Variants in TBXT observed in about 807,000 individuals in gnomAD.
The protein encoded by TBXT is T-box transcription factor T.
Under a neutral mutation model 41.1 loss-of-function variants are expected in TBXT, and 19 were observed. That is an observed-to-expected ratio of 0.46 (90% confidence interval 0.32 to 0.68). The LOEUF (loss-of-function observed/expected upper bound fraction) is 0.68, where lower values mean the gene tolerates loss of function less well. TBXT is among the 30% of genes least tolerant of loss of function. The pLI is 0.03. For missense variants in TBXT, 536 were observed against 582.0 expected (o/e 0.92, Z 0.81); for synonymous variants, 213 against 238.9 (o/e 0.89, Z 1.00).
chr6:166,166,307 G>C (rs143234649), intron 2 of TBXT, among the ~76,000 whole-genome samples: 136 of 152,296 alleles, frequency 8.9e-4, no homozygotes, highest in African/African-American at 3.2e-3. Context: ...CATCAAGGCT[G>C]ATATCTTTTC....
chr6:166,167,931 C>A, upstream of TBXT: 1 of 401,780 alleles, frequency 2.5e-6, no homozygotes, highest in East Asian at 5.3e-5. Context: ...GGGCCGCGCA[C>A]GCTTTGAAGT....
intron 7 of TBXT, among the ~76,000 whole-genome samples, chr6:166,160,570 C>T (rs1465342443): frequency 2.0e-5 from 3 of 152,108 alleles, no homozygotes; most frequent in Non-Finnish European, 4.4e-5. Flanking sequence ...TGGTTTCATT[C>T]AGGGATGGGA....
chr6:166,159,637 A>G (rs1238662798), intron 7 of TBXT, among the ~76,000 whole-genome samples: 49 of 152,372 alleles, frequency 3.2e-4, no homozygotes, highest in Non-Finnish European at 1.5e-5. Context: ...AGTGGATAGC[A>G]TTCAATTATG....
intron 7 of TBXT, among the ~76,000 whole-genome samples, chr6:166,160,634 G>A (rs951322426): frequency 3.3e-5 from 5 of 152,220 alleles, no homozygotes; most frequent in South Asian, 2.1e-4. Flanking sequence ...TCCTTCCAGC[G>A]AACAGACTGC....
chr6:166,158,228 C>A lies in TBXT; in HGVS notation c.*87G>T, dbSNP rs963096673. On this transcript the variant is annotated 3_prime_UTR_variant, in exon 8 of 8. Coordinates refer to ENST00000366876, the MANE Select transcript of TBXT (RefSeq NM_001366285.2). The stretch of plus-strand genomic sequence containing the variant: ...CATTTCCTTCTTAACCTGAGACTGC[C>A]ACTGGGTACCTAGTAGGTCAATCCA... 17 of 1,602,148 alleles carry A rather than the reference C, an allele frequency of 1.1e-5. No homozygotes were observed. The highest frequency in any genetic ancestry group is 1.4e-5 in the Non-Finnish European group (16 of 1,170,038).
Position 166,167,559 on chromosome 6 carries a change from CT to C in TBXT, c.32del (p.Lys11ArgfsTer11). MSSPGTESAGKSLQYRVDHLL... is the reference protein window; with the variant it reads MSSPGTESAGXSLQYRVDHLL... The stretch of plus-strand genomic sequence containing the variant: ...GGTGGTCCACTCGGTACTGCAGGCT[CT>C]TTCCCGCGCTCTCGGTGCCAGGGGA... On this transcript the variant is annotated frameshift_variant, in exon 1 of 8. Coordinates refer to ENST00000366876, the MANE Select transcript of TBXT (RefSeq NM_001366285.2). LOFTEE classifies it high-confidence loss of function. 6.3e-7 allele frequency: 1 copy of C among 1,581,768 alleles called. No homozygotes were observed. The highest frequency in any genetic ancestry group is 2.3e-5 in the East Asian group (1 of 43,192).
rs370877435 is a variant in TBXT at position 166,164,677 on chromosome 6, GA to G, written c.669-12del. 0.049 allele frequency: 59,141 copies of G among 1,217,828 alleles called. 1,083 individuals are homozygous for G. Among genetic ancestry groups the G allele is most frequent in the African/African-American group, 0.097 (6,211 of 64,322 alleles). The allele number at this position is 1,217,828 out of a possible 1,614,324, so 75.4% of individuals were successfully genotyped here. On this transcript the variant is annotated splice_polypyrimidine_tract_variant and intron_variant, in intron 4 of 7. Coordinates refer to ENST00000366876, the MANE Select transcript of TBXT (RefSeq NM_001366285.2). ...TCTTTGTGATCACTTCTATCAAAATGAAAAAAAAAAAGTATATCGAATTTTC... is the reference window on the plus strand; with the variant it reads ...TCTTTGTGATCACTTCTATCAAAATGAAAAAAAAAAGTATATCGAATTTTC...
chr6:166,166,758 C>T lies in TBXT; in HGVS notation c.305G>A (p.Trp102Ter). 1 of 1,613,804 alleles carries T rather than the reference C, an allele frequency of 6.2e-7. No homozygotes were observed. The highest frequency in any genetic ancestry group is 2.2e-5 in the East Asian group (1 of 44,886). Residue 102 changes from tryptophan to a stop codon, truncating the protein, a stop_gained, in exon 2 of 8, where the codon TGG becomes TAG. Transcript: ENST00000366876. LOFTEE classifies it high-confidence loss of function. ...CACCCATTCCCCGTTCACGTACTTCCAGCGGTGGTTGTCCGCCGCCACGAA... is the reference window on the plus strand; with the variant it reads ...CACCCATTCCCCGTTCACGTACTTCTAGCGGTGGTTGTCCGCCGCCACGAA... ...LDFVAADNHR[W>*]KYVNGEWVPG...
At chr6:166,165,661 A>C in intron 3 of TBXT, 45 bp downstream of exon 3, 1 of 1,612,658 alleles carries the variant, frequency 6.2e-7, no homozygotes, top group Non-Finnish European at 8.5e-7. Context: ...GCAGCACACC[A>C]CACCGCAGCA....
At chr6:166,165,517 T>G (rs1025397441) in intron 3 of TBXT, among the ~76,000 whole-genome samples, 189 bp downstream of exon 3, 8 of 152,364 alleles carry the variant, frequency 5.3e-5, no homozygotes, top group Admixed American at 3.9e-4. Flanking sequence ...GGAAAATGTT[T>G]GAATGGGGAC....
intron 5 of TBXT, 136 bp downstream of exon 5, chr6:166,164,469 T>A: frequency 9.8e-7 from 1 of 1,023,110 alleles, no homozygotes; most frequent in South Asian, 1.3e-5. Flanking sequence ...GCCAAGAGCC[T>A]CGCATGGCAA....
chr6:166,167,094 A>T (rs1779141170), intron 1 of TBXT, among the ~76,000 whole-genome samples: 1 of 152,212 alleles, frequency 6.6e-6, no homozygotes, highest in Admixed American at 6.5e-5. Context: ...GTTTCAGTGC[A>T]GGAGGCCACA....
At chr6:166,162,411 C>G (rs760457428) in intron 6 of TBXT, 36 bp downstream of exon 6, 1 of 1,613,404 alleles carries the variant, frequency 6.2e-7, no homozygotes, top group South Asian at 1.1e-5. Context: ...TTGCAGCCAC[C>G]CACCAACCCC....
In TBXT at chr6:166,162,684, CA is replaced by C. The variant is rs1778996468; in HGVS notation, c.731-62del. ...GTGCTCCCTCCATCTCTCCAGAGAG[CA>C]GAGCCCAGGCCAGGGACTGTCCCTC... On this transcript the variant is annotated intron_variant, in intron 5 of 7. Transcript: ENST00000366876. 4.2e-6 allele frequency: 6 copies of C among 1,436,450 alleles called. No homozygotes were observed. In the Admixed American group the frequency reaches 9.9e-5, roughly 24 times the overall value. 89.0% of individuals were successfully genotyped at this position (1,436,450 alleles called of 1,614,324 possible).
At chr6:166,165,662 C>T (rs753175260) in intron 3 of TBXT, 44 bp downstream of exon 3, 13 of 1,612,752 alleles carry the variant, frequency 8.1e-6, no homozygotes, top group East Asian at 4.5e-5. Flanking sequence ...CAGCACACCA[C>T]ACCGCAGCAC....
chr6:166,166,894 C>G (rs548217486), intron 1 of TBXT, 38 bp from the exon 2 acceptor site: 1 of 1,612,506 alleles, frequency 6.2e-7, no homozygotes, highest in African/African-American at 1.3e-5. Context: ...GACCCCGACA[C>G]TGACCAGGTA....
chr6:166,159,825 G>A (rs777303272), intron 7 of TBXT, among the ~76,000 whole-genome samples: 4 of 152,116 alleles, frequency 2.6e-5, no homozygotes, highest in Admixed American at 2.0e-4. Flanking sequence ...TGAGACCCTC[G>A]GGTGGGGCCT....
chr6:166,161,329 G>A (rs1240778101), intron 6 of TBXT, among the ~76,000 whole-genome samples: 1 of 152,050 alleles, frequency 6.6e-6, no homozygotes, highest in Non-Finnish European at 1.5e-5. Context: ...CATAAGAATG[G>A]GCGATAGAAA....
Position 166,160,733 on chromosome 6 carries a change from G to A in TBXT, c.1037+104C>T. 4 of 1,534,414 alleles carry A rather than the reference G, an allele frequency of 2.6e-6. No homozygotes were observed. In the South Asian group the frequency reaches 4.9e-5, roughly 19 times the overall value. The stretch of plus-strand genomic sequence containing the variant: ...TAAATAAAGACCCAACCACCCACAG[G>A]GACCAAGGAGAATAAGGACTAAGGG... On this transcript the variant is annotated intron_variant, in intron 7 of 7. Transcript: ENST00000366876.
Sources: gnomAD v4.1 joint callset for allele counts (sites outside exome capture counted in the v4.1 genomes callset) on GRCh38, gnomAD v4.1.1 for gene constraint, MANE v1.5 for transcripts, NCBI Gene and HGNC (gene_info 2026-07-23, HGNC 2026-07-21) for gene names.